Variants in CRACD observed in about 807,000 individuals in gnomAD.
CRACD encodes the protein capping protein inhibiting regulator of actin dynamics.
In CRACD, 56 loss-of-function variants were observed where a neutral mutation model predicts 106.8. The ratio of observed to expected loss-of-function variants is 0.52; its 90% CI spans 0.42 to 0.66. The LOEUF (loss-of-function observed/expected upper bound fraction) is 0.66. Among genes scored for constraint, CRACD ranks in the 30% least tolerant of loss-of-function variants. CRACD has a pLI of 0.00. For missense variants in CRACD, 1,730 were observed against 1,623.2 expected, an observed-to-expected ratio of 1.07 and a Z score of -1.13; for synonymous variants, 754 against 670.8, an observed-to-expected ratio of 1.12 and a Z score of -1.92.
At chr4:56,247,335 G>A (rs907531742) in intron 2 of CRACD, among the ~76,000 whole-genome samples, 4 of 152,134 alleles carry the variant, frequency 2.6e-5, no homozygotes, top group Non-Finnish European at 4.4e-5. Flanking sequence ...TTTTCTTGCC[G>A]TGGCTTTATT....
chr4:56,160,359 A>C (rs768169660), intron 1 of CRACD, among the ~76,000 whole-genome samples: 1 of 151,066 alleles, frequency 6.6e-6, no homozygotes, highest in African/African-American at 2.4e-5. Flanking sequence ...ATTTTTGTAT[A>C]TTTTTGTAGA....
At chr4:56,124,869 C>T (rs1456631621) in intron 1 of CRACD, among the ~76,000 whole-genome samples, 3 of 152,076 alleles carry the variant, frequency 2.0e-5, no homozygotes, top group Admixed American at 6.6e-5. Flanking sequence ...TAAGTGGAGC[C>T]GCTGGCCACT....
chr4:56,292,363 A>G (rs1322597945), intron 3 of CRACD, among the ~76,000 whole-genome samples: 1 of 152,220 alleles, frequency 6.6e-6, no homozygotes, highest in Non-Finnish European at 1.5e-5. Context: ...ACCACACCCT[A>G]GAAGTGGAGG....
chr4:56,167,324 ATG>A (rs1382609820), intron 1 of CRACD, among the ~76,000 whole-genome samples: 3 of 152,254 alleles, frequency 2.0e-5, no homozygotes, highest in African/African-American at 7.2e-5. Context: ...GTGTAGGACA[ATG>A]TGTATCTAAC....
At chr4:56,299,545 CTG>C (rs1744244518) in intron 4 of CRACD, among the ~76,000 whole-genome samples, 1 of 152,136 alleles carries the variant, frequency 6.6e-6, no homozygotes, top group South Asian at 2.1e-4. Flanking sequence ...TTGTGCATGC[CTG>C]TAGTCCCAGC....
At chr4:56,322,202 C>G (rs1746148217) in intron 8 of CRACD, among the ~76,000 whole-genome samples, 1 of 152,152 alleles carries the variant, frequency 6.6e-6, no homozygotes, top group Non-Finnish European at 1.5e-5. Context: ...GTAGAGTGAC[C>G]AGGATTTGCC....
intron 3 of CRACD, among the ~76,000 whole-genome samples, chr4:56,279,984 T>C (rs1413116795): frequency 2.6e-5 from 4 of 151,816 alleles, no homozygotes; most frequent in Non-Finnish European, 5.9e-5. Flanking sequence ...TGAGTTCATG[T>C]CCTTTGTAGG....
At chr4:56,305,316 A>G (rs1744619540) in intron 4 of CRACD, among the ~76,000 whole-genome samples, 5 of 152,138 alleles carry the variant, frequency 3.3e-5, no homozygotes, top group Admixed American at 3.3e-4. Flanking sequence ...ACATGTCTCA[A>G]TCTAAGGGGA....
At chr4:56,279,496 C>T (rs1229680418) in intron 3 of CRACD, among the ~76,000 whole-genome samples, 2 of 152,284 alleles carry the variant, frequency 1.3e-5, no homozygotes, top group South Asian at 4.1e-4. Flanking sequence ...TATGAACAGA[C>T]ACTTCTCAAA....
intron 1 of CRACD, among the ~76,000 whole-genome samples, chr4:56,083,742 G>C (rs1452591279): frequency 4.6e-5 from 7 of 152,110 alleles, no homozygotes; most frequent in Non-Finnish European, 1.0e-4. Context: ...TGGGAGGGTT[G>C]AGGCAGGTAG....
chr4:56,278,074 G>T (rs915597098), intron 3 of CRACD, among the ~76,000 whole-genome samples: 2 of 152,258 alleles, frequency 1.3e-5, no homozygotes, highest in African/African-American at 4.8e-5. Context: ...TAAGATGACA[G>T]TACTCCCCAG....
intron 2 of CRACD, among the ~76,000 whole-genome samples, chr4:56,251,402 C>T (rs1204475115): frequency 3.9e-5 from 6 of 152,178 alleles, no homozygotes; most frequent in Admixed American, 1.3e-4. Flanking sequence ...TCAGGTGATG[C>T]GATTCAGCAG....
At chr4:56,133,823 A>G (rs1234003922) in intron 1 of CRACD, among the ~76,000 whole-genome samples, 1 of 152,198 alleles carries the variant, frequency 6.6e-6, no homozygotes, top group Non-Finnish European at 1.5e-5. Flanking sequence ...AATAAATACC[A>G]TGGAAGGGGT....
In CRACD at chr4:56,062,455, C is replaced by T. The variant is rs116501256; in HGVS notation, c.-336+13156C>T. Among the ~76,000 whole-genome samples the T allele has an allele frequency of 1.1e-3, 173 of 152,202 alleles. 2 individuals carry two copies. Among genetic ancestry groups the T allele is most frequent in the African/African-American group, 3.8e-3 (159 of 41,530 alleles). ...CCCTAAACCTTTTTCCCTGGTGATA[C>T]GAAATGGTTCAGCAGTAATCAGCAG... On this transcript the variant is annotated intron_variant, in intron 1 of 10. Transcript: ENST00000682029.
chr4:56,286,689 C>T (rs1743378544), intron 3 of CRACD, among the ~76,000 whole-genome samples: 1 of 152,014 alleles, frequency 6.6e-6, no homozygotes. Context: ...TTTTCGACTG[C>T]TCTCGGGGTT....
At chr4:56,104,258 A>G (rs1733872307) in intron 1 of CRACD, among the ~76,000 whole-genome samples, 1 of 152,036 alleles carries the variant, frequency 6.6e-6, no homozygotes. Flanking sequence ...TTAACTGGAC[A>G]TGGCATGCGC....
intron 3 of CRACD, among the ~76,000 whole-genome samples, chr4:56,296,452 C>T (rs932783368): frequency 3.3e-5 from 5 of 152,062 alleles, no homozygotes; most frequent in Non-Finnish European, 5.9e-5. Flanking sequence ...ACTTTTACAC[C>T]GTGCTGCCTG....
chr4:56,270,670 A>G (rs900508735), intron 2 of CRACD, among the ~76,000 whole-genome samples: 2 of 152,118 alleles, frequency 1.3e-5, no homozygotes, highest in Non-Finnish European at 2.9e-5. Context: ...TTCGTGTCTC[A>G]GGTTCCTCAT....
intron 2 of CRACD, among the ~76,000 whole-genome samples, chr4:56,258,086 A>G (rs1354457131): frequency 2.6e-5 from 4 of 151,272 alleles, no homozygotes; most frequent in Non-Finnish European, 4.4e-5. Flanking sequence ...AAAACAAAAA[A>G]AAAAAAGAAA....
Sources: allele counts gnomAD v4.1 joint callset (sites outside exome capture counted in the v4.1 genomes callset), GRCh38; gene constraint gnomAD v4.1.1; transcripts MANE v1.5; gene names NCBI Gene and HGNC (gene_info 2026-07-23, HGNC 2026-07-21).